SNX24: variants seen among roughly 807,000 people sequenced by gnomAD.
SNX24 encodes sorting nexin 24, also known as sorting nexin-24.
In SNX24, 22 loss-of-function variants were observed where a neutral mutation model predicts 28.7. The observed-to-expected ratio is 0.77, with a 90% CI of 0.55 to 1.10. The LOEUF (loss-of-function observed/expected upper bound fraction) is 1.10. Among genes scored for constraint, SNX24 ranks in the 50% least tolerant of loss-of-function variants. The probability of loss-of-function intolerance (pLI) is 0.00; values close to 1 mark genes in which losing one functional copy is unlikely to be tolerated. For synonymous variants in SNX24, 69 were observed against 71.5 expected, an observed-to-expected ratio of 0.96 and a Z score of 0.18; for missense variants, 221 against 201.1, an observed-to-expected ratio of 1.10 and a Z score of -0.60.
In SNX24 at chr5:122,925,307, G is replaced by A. The variant is rs1435358698; in HGVS notation, c.61-11427G>A. 3.5e-5 allele frequency among the ~76,000 whole-genome samples: 5 copies of A among 141,932 alleles called. No individual in the cohort carries two copies. The East Asian group carries it at 1.1e-3, about 31-fold the overall frequency. The allele number at this position is 141,932 out of a possible 152,430, so 93.1% of individuals were successfully genotyped here. A position where few individuals can be genotyped will look rare whatever the true frequency, so the allele number is the denominator to read the frequency against. On this transcript the variant is annotated intron_variant, in intron 1 of 6. Transcript: ENST00000261369. The stretch of plus-strand genomic sequence containing the variant: ...CTTCTGAGTGAACTGGCATGATCAT[G>A]GCTTACTGCAGTCTCAACCCCCTGG...
rs1357896844 is a variant in SNX24 at position 122,925,189 on chromosome 5, CCTT to C, written c.61-11540_61-11538del. Among the ~76,000 whole-genome samples the C allele has an allele frequency of 5.1e-4, 54 of 106,190 alleles. 1 individual carries two copies. The highest frequency in any genetic ancestry group is 1.8e-3 in the African/African-American group (49 of 27,000). The allele number at this position is 106,190 out of a possible 152,430, so 69.7% of individuals were successfully genotyped here. A position where few individuals can be genotyped will look rare whatever the true frequency, so the allele number is the denominator to read the frequency against. ...CCATCCCCCTCCCATCCCCTCCCATCCTTCTTCCCCCTTCCTATTTCCTTCCCC... is the reference window on the plus strand; with the variant it reads ...CCATCCCCCTCCCATCCCCTCCCATCCTTCCCCCTTCCTATTTCCTTCCCC... On this transcript the variant is annotated intron_variant, in intron 1 of 6. Coordinates refer to ENST00000261369, the MANE Select transcript of SNX24 (RefSeq NM_014035.4).
intron 1 of SNX24, among the ~76,000 whole-genome samples, chr5:122,916,006 C>T (rs1489060618): frequency 6.6e-6 from 1 of 152,238 alleles, no homozygotes; most frequent in Non-Finnish European, 1.5e-5. Flanking sequence ...CCCCTCATAG[C>T]ATGGCGAAGA....
chr5:123,025,807 AC>A (rs751782851), intron 5 of SNX24: 1 of 1,613,180 alleles, frequency 6.2e-7, no homozygotes, highest in African/African-American at 1.3e-5. Flanking sequence ...ACTTTTCCAA[AC>A]ACCACATGTT....
intron 3 of SNX24, among the ~76,000 whole-genome samples, chr5:122,968,011 A>C (rs763048996): frequency 1.3e-5 from 2 of 152,234 alleles, no homozygotes; most frequent in Non-Finnish European, 2.9e-5. Flanking sequence ...GAATAATTTG[A>C]ACATGGATGT....
At chr5:122,868,656 A>AGT (rs1755828020) in intron 1 of SNX24, among the ~76,000 whole-genome samples, 2 of 152,220 alleles carry the variant, frequency 1.3e-5, no homozygotes, top group Admixed American at 6.5e-5. Context: ...TCTGGGACCC[A>AGT]CTCAAAACTA....
rs745997298 is a variant in SNX24 at position 122,936,742 on chromosome 5, G to T, written c.69G>T (p.Lys23Asn). 7.6e-6 allele frequency: 12 copies of T among 1,586,552 alleles called. No individual in the cohort carries two copies. Among genetic ancestry groups the T allele is most frequent in the Non-Finnish European group, 9.5e-6 (11 of 1,157,676 alleles). The change falls in exon 2 of 7, where the codon AAG becomes AAT. Residue 23 changes from lysine to asparagine, a missense_variant. Transcript: ENST00000261369. ...SDLERGYTVF[K>N]IEVLMNGRKH... The stretch of plus-strand genomic sequence containing the variant: ...TTAAATTTTTTCCTCAGGTGTTTAA[G>T]ATAGAAGTGCTAATGAATGGAAGAA...
chr5:122,965,856 A>G lies in SNX24; in HGVS notation c.249+19697A>G, dbSNP rs372052025. ...AAAGAACCTGTTTCAAGCAAGCGCT[A>G]TTAAATCTATCTTTCCCAATCTGAT... On this transcript the variant is annotated intron_variant, in intron 3 of 6. Transcript: ENST00000261369. Among the ~76,000 whole-genome samples the G allele has an allele frequency of 7.9e-5, 12 of 152,352 alleles. No individual in the cohort carries two copies. In the East Asian group the frequency reaches 9.6e-4, roughly 12 times the overall value.
At chr5:122,985,384 C>T (rs762141390) in intron 3 of SNX24, among the ~76,000 whole-genome samples, 1 of 152,126 alleles carries the variant, frequency 6.6e-6, no homozygotes, top group Non-Finnish European at 1.5e-5. Context: ...CTCAACTCTC[C>T]TGCCCAAAAA....
At chr5:122,944,010 A>G (rs1209516939) in intron 2 of SNX24, among the ~76,000 whole-genome samples, 1 of 152,254 alleles carries the variant, frequency 6.6e-6, no homozygotes, top group Non-Finnish European at 1.5e-5. Flanking sequence ...GACTTAAAAT[A>G]GAACAAGTGA....
At chr5:122,933,296 C>T (rs1335277810) in intron 1 of SNX24, among the ~76,000 whole-genome samples, 1 of 152,214 alleles carries the variant, frequency 6.6e-6, no homozygotes, top group Non-Finnish European at 1.5e-5. Flanking sequence ...TGCATGTGAG[C>T]TCTGAGCCCT....
In SNX24 at chr5:123,007,866, G is replaced by A. The variant is rs1211809177; in HGVS notation, c.*117G>A. 6.6e-7 allele frequency: 1 copy of A among 1,505,580 alleles called. No homozygotes were observed. The highest frequency in any genetic ancestry group is 8.8e-7 in the Non-Finnish European group (1 of 1,130,396). The allele number at this position is 1,505,580 out of a possible 1,614,324, so 93.3% of individuals were successfully genotyped here. ...TATAACAGCTCTAGCTAGTGGTAAA[G>A]TGCACAGTCCCAGCTTAATTCAGGG... On this transcript the variant is annotated 3_prime_UTR_variant, in exon 7 of 7. Coordinates refer to ENST00000261369, the MANE Select transcript of SNX24 (RefSeq NM_014035.4).
chr5:122,866,814 C>A (rs761983358), intron 1 of SNX24, among the ~76,000 whole-genome samples: 3 of 152,210 alleles, frequency 2.0e-5, no homozygotes, highest in African/African-American at 7.2e-5. Flanking sequence ...GATTTAAAGA[C>A]ATGAGCATAA....
At position 122,846,010 on chromosome 5, in the gene SNX24, C is replaced by G. The variant is rs1266962767; in HGVS notation, c.60+317C>G. On this transcript the variant is annotated intron_variant, in intron 1 of 6. Transcript: ENST00000261369. Reference sequence around the variant, plus strand: ...CGGGAGCCCAGGATGGGCTGCGTTCCTTTCTGGCACAGCTGCCCCCTCAGT... The same window carrying G: ...CGGGAGCCCAGGATGGGCTGCGTTCGTTTCTGGCACAGCTGCCCCCTCAGT... Among the ~76,000 whole-genome samples, 3 of 152,232 alleles carry G rather than the reference C, an allele frequency of 2.0e-5. No homozygotes were observed. The East Asian group carries it at 5.8e-4, about 29-fold the overall frequency.
chr5:122,853,608 A>G (rs1649643709), intron 1 of SNX24: 1 of 316,534 alleles, frequency 3.2e-6, no homozygotes, highest in Non-Finnish European at 6.5e-6. Context: ...AGCTAGAAAT[A>G]TGTTTTAACT....
intron 1 of SNX24, among the ~76,000 whole-genome samples, chr5:122,888,734 C>G (rs1756823198): frequency 6.6e-6 from 1 of 152,128 alleles, no homozygotes; most frequent in African/African-American, 2.4e-5. Flanking sequence ...ATCCTGGCTC[C>G]CCTAACACTA....
At chr5:122,937,261 A>T (rs998941396) in intron 2 of SNX24, among the ~76,000 whole-genome samples, 1 of 152,248 alleles carries the variant, frequency 6.6e-6, no homozygotes, top group Admixed American at 6.5e-5. Context: ...ATTCAAAGTA[A>T]CATATACATG....
At chr5:122,958,760 A>C (rs745694144) in intron 3 of SNX24, among the ~76,000 whole-genome samples, 1 of 150,674 alleles carries the variant, frequency 6.6e-6, no homozygotes, top group African/African-American at 2.4e-5. Context: ...GGGTCTTGCT[A>C]TGTTGCCCAG....
chr5:122,902,172 C>G (rs1203751286), intron 1 of SNX24, among the ~76,000 whole-genome samples: 1 of 152,232 alleles, frequency 6.6e-6, no homozygotes, highest in African/African-American at 2.4e-5. Flanking sequence ...ACTCACTCTT[C>G]TCATAGGCTG....
intron 3 of SNX24, chr5:122,983,194 CCT>C (rs1761461078): frequency 9.5e-6 from 1 of 105,388 alleles, no homozygotes; most frequent in Non-Finnish European, 2.7e-5. Context: ...GATTTTTCAG[CCT>C]TTTTTTTTTT....
Sources: allele counts gnomAD v4.1 joint callset (sites outside exome capture counted in the v4.1 genomes callset), GRCh38; gene constraint gnomAD v4.1.1; transcripts MANE v1.5; gene names NCBI Gene and HGNC (gene_info 2026-07-23, HGNC 2026-07-21).